Variants in CFAP221 observed in about 807,000 individuals in gnomAD.
CFAP221 encodes the protein cilia and flagella associated protein 221, also known as cilia- and flagella-associated protein 221.
Under a neutral mutation model 113.1 loss-of-function variants are expected in CFAP221, and 97 were observed. That is an observed-to-expected ratio of 0.86 (90% CI 0.73 to 1.02). CFAP221 has a LOEUF of 1.02. CFAP221 is among the 50% of genes least tolerant of loss of function. The probability of loss-of-function intolerance (pLI) is 0.00; values close to 1 mark genes in which losing one functional copy is unlikely to be tolerated. For synonymous variants in CFAP221, 331 were observed against 354.4 expected (o/e 0.93, Z 0.74); for missense variants, 1,025 against 1,013.4 (o/e 1.01, Z -0.16).
In CFAP221 at chr2:119,559,432, G is replaced by A. The variant is rs566696216; in HGVS notation, c.241-257G>A. Among the ~76,000 whole-genome samples the A allele has an allele frequency of 6.0e-4, 91 of 152,156 alleles. 1 individual carries two copies. Among genetic ancestry groups the A allele is most frequent in the African/African-American group, 2.1e-3 (86 of 41,512 alleles). Reference sequence around the variant, plus strand: ...GGCCCTAAAGGATGCTAAGTCTCGGGCTGGGGTGGGAGGGTACTGCAGGTA... The same window carrying A: ...GGCCCTAAAGGATGCTAAGTCTCGGACTGGGGTGGGAGGGTACTGCAGGTA... On this transcript the variant is annotated intron_variant, in intron 3 of 23. Coordinates refer to ENST00000413369, the MANE Select transcript of CFAP221 (RefSeq NM_001271049.2).
At chr2:119,585,068 G>A (rs1425962598) in intron 6 of CFAP221, among the ~76,000 whole-genome samples, 1 of 152,152 alleles carries the variant, frequency 6.6e-6, no homozygotes, top group Non-Finnish European at 1.5e-5. Context: ...TGAATAAAGT[G>A]TGGTATAATT....
chr2:119,636,070 A>G (rs1031669190), intron 19 of CFAP221, among the ~76,000 whole-genome samples: 4 of 152,134 alleles, frequency 2.6e-5, no homozygotes, highest in African/African-American at 9.6e-5. Context: ...TTTGGCCTTG[A>G]TACCAGAACT....
chr2:119,585,344 A>G (rs1271751888), intron 6 of CFAP221, among the ~76,000 whole-genome samples: 3 of 152,154 alleles, frequency 2.0e-5, no homozygotes, highest in Non-Finnish European at 2.9e-5. Context: ...GAGGACATAA[A>G]ATTAAACTTG....
At chr2:119,546,360 A>T (rs987533418) in intron 2 of CFAP221, 90 bp downstream of exon 2, 2 of 1,339,812 alleles carry the variant, frequency 1.5e-6, no homozygotes, top group Non-Finnish European at 2.0e-6. Context: ...TTTAGTGCTG[A>T]TTTATCTATA....
At chr2:119,587,598 G>A (rs767659175) in intron 7 of CFAP221, among the ~76,000 whole-genome samples, 45 of 152,282 alleles carry the variant, frequency 3.0e-4, no homozygotes, top group Non-Finnish European at 5.3e-4. Context: ...CATTTGTGGT[G>A]TAGACAGTAT....
At chr2:119,636,535 A>C (rs1687123940) in intron 19 of CFAP221, among the ~76,000 whole-genome samples, 1 of 152,200 alleles carries the variant, frequency 6.6e-6, no homozygotes, top group Non-Finnish European at 1.5e-5. Flanking sequence ...ACCTAAGCGA[A>C]GTCCTTGTCT....
intron 7 of CFAP221, among the ~76,000 whole-genome samples, chr2:119,590,543 A>G (rs1240882291): frequency 3.3e-5 from 5 of 152,186 alleles, no homozygotes; most frequent in African/African-American, 9.6e-5. Context: ...CGCTAGTCCA[A>G]TCATCCCATC....
chr2:119,640,719 G>A (rs116679476), intron 21 of CFAP221, among the ~76,000 whole-genome samples: 4,204 of 152,268 alleles, frequency 0.028, 73 homozygotes, highest in Non-Finnish European at 0.041. Context: ...TCCAAGAGTG[G>A]CCAAGAAACC....
chr2:119,659,162 G>C (rs1406362692), downstream of CFAP221, among the ~76,000 whole-genome samples: 1 of 152,106 alleles, frequency 6.6e-6, no homozygotes, highest in East Asian at 1.9e-4. Context: ...CTTATGTGTT[G>C]CTTGGTGTAT....
chr2:119,639,306 C>G (rs774681260), intron 20 of CFAP221, among the ~76,000 whole-genome samples: 4 of 152,218 alleles, frequency 2.6e-5, no homozygotes, highest in Admixed American at 6.5e-5. Context: ...CGTGACCTGC[C>G]TGGCTCTCCA....
At chr2:119,564,435 GAAT>G (rs1681479538) in intron 6 of CFAP221, among the ~76,000 whole-genome samples, 1 of 152,096 alleles carries the variant, frequency 6.6e-6, no homozygotes, top group African/African-American at 2.4e-5. Flanking sequence ...TGCACAGTTT[GAAT>G]AATAATAATA....
intron 2 of CFAP221, among the ~76,000 whole-genome samples, chr2:119,547,431 C>T (rs566638392): frequency 3.9e-5 from 6 of 152,038 alleles, no homozygotes; most frequent in African/African-American, 7.2e-5. Flanking sequence ...TGGTGGCAGG[C>T]GCCTGTAATC....
At chr2:119,659,711 C>T (rs1224390485), downstream of CFAP221, among the ~76,000 whole-genome samples, 1 of 64,690 alleles carries the variant, frequency 1.5e-5, no homozygotes, top group Admixed American at 1.7e-4. Flanking sequence ...CGAAGCATAA[C>T]CCACTCGTCC....
intron 6 of CFAP221, among the ~76,000 whole-genome samples, chr2:119,566,629 G>A (rs1196065746): frequency 1.3e-5 from 2 of 152,198 alleles, no homozygotes; most frequent in African/African-American, 4.8e-5. Flanking sequence ...TTTGTCATTG[G>A]ATTATGGGCC....
Position 119,630,673 on chromosome 2 carries a change from C to A in CFAP221, c.1835C>A (p.Ala612Asp), listed in dbSNP as rs557627403. The change falls in exon 18 of 24, where the codon GCT (alanine) becomes GAT (aspartate). Residue 612 changes from alanine (A) to aspartate (D), a missense_variant. By Grantham distance (126) the Ala-to-Asp change is moderately radical (BLOSUM62 -2). Coordinates refer to ENST00000413369, the MANE Select transcript of CFAP221 (RefSeq NM_001271049.2). The part of the protein sequence containing the change: ...QKLARALKQG[A>D]EDEVTTITAL... Reference sequence around the variant, plus strand: ...CTTGCCCGAGCCCTAAAGCAAGGAGCTGAGGTAACACACCCCCATCTTCCA... The same window carrying A: ...CTTGCCCGAGCCCTAAAGCAAGGAGATGAGGTAACACACCCCCATCTTCCA... 4 of 1,611,492 alleles carry A rather than the reference C, an allele frequency of 2.5e-6. No homozygotes were observed. The highest frequency in any genetic ancestry group is 3.4e-6 in the Non-Finnish European group (4 of 1,177,592).
chr2:119,634,108 G>GAAT (rs143860067), intron 19 of CFAP221, among the ~76,000 whole-genome samples: 2 of 151,798 alleles, frequency 1.3e-5, no homozygotes, highest in South Asian at 2.1e-4. Context: ...ACCCTGTCTC[G>GAAT]AATAATAATA....
chr2:119,549,258 A>C, intron 3 of CFAP221, 73 bp downstream of exon 3: 1 of 1,206,486 alleles, frequency 8.3e-7, no homozygotes, highest in Non-Finnish European at 1.2e-6. Context: ...TATATTATTC[A>C]CTTATCTAAA....
intron 7 of CFAP221, among the ~76,000 whole-genome samples, chr2:119,600,805 C>G (rs1414896598): frequency 6.6e-6 from 1 of 152,132 alleles, no homozygotes; most frequent in African/African-American, 2.4e-5. Flanking sequence ...ACCCTTGAGA[C>G]AGCAAGATCA....
At chr2:119,575,392 CATGTTATCTGCA>C (rs1326548281) in intron 6 of CFAP221, among the ~76,000 whole-genome samples, 4 of 152,150 alleles carry the variant, frequency 2.6e-5, no homozygotes, top group African/African-American at 7.2e-5. Flanking sequence ...CACCTTCCTC[CATGTTATCTGCA>C]ACTCTGGTGA....
Sources: gnomAD v4.1 joint callset for allele counts (sites outside exome capture counted in the v4.1 genomes callset) on GRCh38, gnomAD v4.1.1 for gene constraint, MANE v1.5 for transcripts, NCBI Gene and HGNC (gene_info 2026-07-23, HGNC 2026-07-21) for gene names.